The following EZH2 variants were observed in gnomAD, a reference collection of about 807,000 sequenced individuals.
EZH2 encodes the protein enhancer of zeste 2 polycomb repressive complex 2 subunit, also known as histone-lysine N-methyltransferase EZH2.
Under a neutral mutation model 98.4 loss-of-function variants are expected in EZH2, and 18 were observed. The observed-to-expected ratio is 0.18, with a 90% CI of 0.13 to 0.27. EZH2 has a LOEUF of 0.27. Among genes scored for constraint, EZH2 ranks in the 10% least tolerant of loss-of-function variants. The pLI is 1.00. For synonymous variants in EZH2, 338 were observed against 312.3 expected, an observed-to-expected ratio of 1.08 and a Z score of -0.87; for missense variants, 470 against 935.1, an observed-to-expected ratio of 0.50 and a Z score of 6.49.
chr7:148,879,953 A>C (rs1820736739), intron 1 of EZH2, among the ~76,000 whole-genome samples: 1 of 152,178 alleles, frequency 6.6e-6, no homozygotes, highest in African/African-American at 2.4e-5. Context: ...AAAAATTAAA[A>C]AATTAAATAA....
At chr7:148,845,461 T>C (rs1813761324) in intron 3 of EZH2, among the ~76,000 whole-genome samples, 1 of 152,178 alleles carries the variant, frequency 6.6e-6, no homozygotes, top group Non-Finnish European at 1.5e-5. Flanking sequence ...TGACTAAGAA[T>C]CATTCCAAGT....
At chr7:148,873,491 C>CAAA (rs1162280467) in intron 1 of EZH2, among the ~76,000 whole-genome samples, 5 of 58,520 alleles carry the variant, frequency 8.5e-5, no homozygotes, top group African/African-American at 2.5e-4. Context: ...GACTCTGTCT[C>CAAA]AAAAAAAAAA....
chr7:148,861,934 G>A (rs1293641437), intron 1 of EZH2, among the ~76,000 whole-genome samples: 1 of 152,016 alleles, frequency 6.6e-6, no homozygotes, highest in Non-Finnish European at 1.5e-5. Flanking sequence ...TGTTGTTTTG[G>A]TTCAAGTATA....
At chr7:148,863,369 C>T (rs1258315581) in intron 1 of EZH2, among the ~76,000 whole-genome samples, 1 of 152,146 alleles carries the variant, frequency 6.6e-6, no homozygotes, top group African/African-American at 2.4e-5. Context: ...CTTTATTATA[C>T]CTGTCAAACT....
chr7:148,835,006 C>G (rs923701452), intron 3 of EZH2, among the ~76,000 whole-genome samples: 1 of 152,178 alleles, frequency 6.6e-6, no homozygotes, highest in Non-Finnish European at 1.5e-5. Flanking sequence ...GGATTAAAAC[C>G]TGGATTTAAA....
At chr7:148,879,481 G>A (rs923520943) in intron 1 of EZH2, among the ~76,000 whole-genome samples, 14 of 149,254 alleles carry the variant, frequency 9.4e-5, no homozygotes, top group South Asian at 2.2e-4. Flanking sequence ...ACCTGAGGTC[G>A]GGAGTTCGAG....
At chr7:148,856,384 C>T (rs569802985) in intron 1 of EZH2, among the ~76,000 whole-genome samples, 14 of 152,246 alleles carry the variant, frequency 9.2e-5, no homozygotes, top group East Asian at 5.8e-4. Flanking sequence ...TATGAACTCA[C>T]GTGTATTTTA....
At chr7:148,856,449 T>A (rs948899368) in intron 1 of EZH2, among the ~76,000 whole-genome samples, 1 of 152,178 alleles carries the variant, frequency 6.6e-6, no homozygotes, top group Non-Finnish European at 1.5e-5. Context: ...GCAGGTTAGC[T>A]GAAATACCTG....
intron 8 of EZH2, among the ~76,000 whole-genome samples, chr7:148,819,974 T>C (rs1206184234): frequency 1.3e-5 from 2 of 152,260 alleles, no homozygotes; most frequent in Admixed American, 6.5e-5. Context: ...ACTATGGTTA[T>C]AAACATTTAC....
intron 1 of EZH2, among the ~76,000 whole-genome samples, chr7:148,880,315 C>T (rs192379076): frequency 6.6e-6 from 1 of 152,260 alleles, no homozygotes; most frequent in African/African-American, 2.4e-5. Flanking sequence ...ATTACACTGT[C>T]GCTACATCCT....
At chr7:148,854,430 C>G (rs1165502210) in intron 1 of EZH2, among the ~76,000 whole-genome samples, 1 of 140,556 alleles carries the variant, frequency 7.1e-6, no homozygotes, top group African/African-American at 2.6e-5. Context: ...AGTGAGACTC[C>G]GTCTCAAAAA....
chr7:148,807,884 C>T (rs1301665971), intron 19 of EZH2, among the ~76,000 whole-genome samples, 178 bp from the exon 20 acceptor site: 1 of 150,924 alleles, frequency 6.6e-6, no homozygotes, highest in Non-Finnish European at 1.5e-5. Context: ...TCATAGAAGG[C>T]AATGCATAGG....
chr7:148,823,874 AAAC>A (rs1438488010), intron 8 of EZH2, among the ~76,000 whole-genome samples: 1 of 152,140 alleles, frequency 6.6e-6, no homozygotes, highest in Non-Finnish European at 1.5e-5. Context: ...CCTATTTTAA[AAAC>A]AACAATAGCT....
At chr7:148,869,081 T>C (rs1818947805) in intron 1 of EZH2, among the ~76,000 whole-genome samples, 1 of 152,158 alleles carries the variant, frequency 6.6e-6, no homozygotes. Flanking sequence ...TAGGTGCTAT[T>C]ATGCCCATAG....
chr7:148,878,550 T>G lies in EZH2; in HGVS notation c.-8+5614A>C, dbSNP rs190128824. The stretch of plus-strand genomic sequence containing the variant: ...CTCCTTTTATGTTTTCATTGGTTTA[T>G]ATACCACATTTTGTTAATTCGCCTG... On this transcript the variant is annotated intron_variant, in intron 1 of 19. Transcript: ENST00000320356. Among the ~76,000 whole-genome samples, 7 of 152,366 alleles carry G rather than the reference T, an allele frequency of 4.6e-5. No homozygotes were observed. The East Asian group carries it at 1.3e-3, about 29-fold the overall frequency.
At chr7:148,822,927 G>A (rs1234998290) in intron 8 of EZH2, among the ~76,000 whole-genome samples, 1 of 152,132 alleles carries the variant, frequency 6.6e-6, no homozygotes, top group East Asian at 1.9e-4. Flanking sequence ...GGGCGACAGA[G>A]CGAGACCCGT....
chr7:148,820,112 A>ATTTTTAATGATAAAGAGG (rs1805581096), intron 8 of EZH2, among the ~76,000 whole-genome samples: 1 of 152,230 alleles, frequency 6.6e-6, no homozygotes, highest in Admixed American at 6.5e-5. Context: ...TCAGCTTGTC[A>ATTTTTAATGATAAAGAGG]CCAGTTGTAA....
chr7:148,840,595 T>C (rs898046416), intron 3 of EZH2, among the ~76,000 whole-genome samples: 14 of 152,296 alleles, frequency 9.2e-5, no homozygotes, highest in African/African-American at 2.9e-4. Context: ...GAGAAAAAGA[T>C]AAAACTTTTA....
chr7:148,810,252 C>T (rs1802664793), intron 17 of EZH2, 81 bp downstream of exon 17: 1 of 1,034,570 alleles, frequency 9.7e-7, no homozygotes, highest in Non-Finnish European at 1.5e-6. Context: ...CTGACCTCTA[C>T]CCTCGTTTCT....
Sources: allele counts gnomAD v4.1 joint callset (sites outside exome capture counted in the v4.1 genomes callset), GRCh38; gene constraint gnomAD v4.1.1; transcripts MANE v1.5; gene names NCBI Gene and HGNC (gene_info 2026-07-23, HGNC 2026-07-21).